The following C6 variants were observed in gnomAD, a reference collection of about 807,000 sequenced individuals.
The protein encoded by C6 is complement component C6.
A neutral mutation model predicts 112.9 loss-of-function variants in C6; 101 were observed. The observed-to-expected ratio is 0.89, with a 90% CI of 0.76 to 1.06. C6 has a LOEUF of 1.06. Ranked by LOEUF, C6 falls within the 50% of genes least tolerant of loss-of-function variation. The pLI, the probability that C6 is intolerant of heterozygous loss-of-function variation, is 0.00. For missense variants in C6, 1,202 were observed against 1,104.6 expected (o/e 1.09, Z -1.25); for synonymous variants, 431 against 384.1 (o/e 1.12, Z -1.43).
In C6 at chr5:41,213,375, C is replaced by T. The variant is rs1267296414; in HGVS notation, c.-21+1G>A. ...GAAAATGAAATCATCATATTACTCACCTTTAAGCAGAGTTTGTGGTGTCCT... is the reference window on the plus strand; with the variant it reads ...GAAAATGAAATCATCATATTACTCATCTTTAAGCAGAGTTTGTGGTGTCCT... On this transcript the variant is annotated splice_donor_variant, in intron 1 of 17. Coordinates refer to ENST00000337836, the MANE Select transcript of C6 (RefSeq NM_000065.5). LOFTEE classifies it low-confidence loss of function (5UTR_SPLICE). 2 of 980,386 alleles carry T rather than the reference C, an allele frequency of 2.0e-6. No individual in the cohort carries two copies. The highest frequency in any genetic ancestry group is 3.5e-5 in the African/African-American group (2 of 57,096). 60.7% of individuals were successfully genotyped at this position (980,386 alleles called of 1,614,324 possible).
At chr5:41,154,291 T>A (rs1746691445) in intron 14 of C6, among the ~76,000 whole-genome samples, 1 of 152,218 alleles carries the variant, frequency 6.6e-6, no homozygotes, top group Non-Finnish European at 1.5e-5. Context: ...CAAGAAACAC[T>A]TTCTTTTCTC....
At chr5:41,212,058 A>G (rs1459149240) in intron 1 of C6, among the ~76,000 whole-genome samples, 1 of 152,068 alleles carries the variant, frequency 6.6e-6, no homozygotes, top group Non-Finnish European at 1.5e-5. Context: ...TAACATTAAA[A>G]CTTATTTGAT....
At chr5:41,178,175 T>C (rs1749009766) in intron 7 of C6, among the ~76,000 whole-genome samples, 1 of 152,198 alleles carries the variant, frequency 6.6e-6, no homozygotes, top group South Asian at 2.1e-4. Flanking sequence ...CCACATATAA[T>C]CTATTTCAAC....
At position 41,201,686 on chromosome 5, in the gene C6, C is replaced by G. The variant is rs769744623; in HGVS notation, c.172G>C (p.Glu58Gln). ...RQIVVDKYYQ[E>Q]NFCEQICSKQ... ...CTGCAAATCTGTTCACAAAAGTTTT[C>G]CTGGTAGTACTTATCTACTACTATT... The change falls in exon 3 of 18, where the codon GAA becomes CAA. Residue 58 changes from glutamate to glutamine, a missense_variant. Glu to Gln is a conservative substitution (Grantham distance 29). Coordinates refer to ENST00000337836, the MANE Select transcript of C6 (RefSeq NM_000065.5). 1.2e-6 allele frequency: 2 copies of G among 1,613,502 alleles called. No homozygotes were observed. Among genetic ancestry groups the G allele is most frequent in the Non-Finnish European group, 1.7e-6 (2 of 1,179,854 alleles).
At chr5:41,177,260 T>C (rs1192660985) in intron 7 of C6, among the ~76,000 whole-genome samples, 1 of 152,162 alleles carries the variant, frequency 6.6e-6, no homozygotes, top group African/African-American at 2.4e-5. Context: ...AACTCCAAAA[T>C]GCTGATTCTA....
At chr5:41,218,993 C>G (rs571807579) in intron 1 of C6, among the ~76,000 whole-genome samples, 204 of 152,222 alleles carry the variant, frequency 1.3e-3, no homozygotes, top group Non-Finnish European at 2.4e-3. Flanking sequence ...AGGAAGTTAT[C>G]CTAACTAGGA....
intron 1 of C6, among the ~76,000 whole-genome samples, chr5:41,228,623 A>G (rs1247537063): frequency 1.3e-5 from 2 of 152,158 alleles, no homozygotes; most frequent in East Asian, 1.9e-4. Context: ...GTTGAGGTAC[A>G]TTCTTTATAT....
chr5:41,253,762 A>G (rs1027095559), intron 1 of C6, among the ~76,000 whole-genome samples: 1 of 152,252 alleles, frequency 6.6e-6, no homozygotes, highest in African/African-American at 2.4e-5. Flanking sequence ...CATCAACAAT[A>G]AAGAAAGTGT....
chr5:41,203,076 G>T lies in C6; in HGVS notation c.143+12C>A. On this transcript the variant is annotated intron_variant, in intron 2 of 17. Transcript: ENST00000337836. ...CCAGGACACAAAGAAAAGCCACAAA[G>T]CTCACACCCACCTGTGTCTGCTCTG... The T allele has an allele frequency of 6.2e-7, 1 of 1,613,664 alleles. No homozygotes were observed. The highest frequency in any genetic ancestry group is 1.1e-5 in the South Asian group (1 of 91,062).
At chr5:41,217,618 AT>A (rs1418639230), upstream of C6, among the ~76,000 whole-genome samples, 3 of 152,162 alleles carry the variant, frequency 2.0e-5, no homozygotes, top group Non-Finnish European at 4.4e-5. Context: ...ATGATATTAA[AT>A]GGAATAAACT....
intron 1 of C6, among the ~76,000 whole-genome samples, chr5:41,207,324 G>A (rs1177057762): frequency 6.6e-6 from 1 of 152,132 alleles, no homozygotes; most frequent in Non-Finnish European, 1.5e-5. Context: ...ATTAACTAAT[G>A]GGAAAAATAA....
chr5:41,250,249 C>G (rs1741265900), intron 1 of C6, among the ~76,000 whole-genome samples: 1 of 152,128 alleles, frequency 6.6e-6, no homozygotes, highest in South Asian at 2.1e-4. Flanking sequence ...GTTATGTTAC[C>G]CAATAGTGGC....
chr5:41,240,917 C>A (rs535970042), intron 1 of C6, among the ~76,000 whole-genome samples: 1 of 152,128 alleles, frequency 6.6e-6, no homozygotes, highest in Non-Finnish European at 1.5e-5. Flanking sequence ...CTCCAAATTG[C>A]GTGCTCGGAT....
intron 8 of C6, among the ~76,000 whole-genome samples, chr5:41,175,332 T>C (rs1436358982): frequency 6.6e-6 from 1 of 152,226 alleles, no homozygotes; most frequent in Non-Finnish European, 1.5e-5. Context: ...GGACACACTG[T>C]CAATACATGC....
At chr5:41,228,154 A>G (rs1033323646) in intron 1 of C6, among the ~76,000 whole-genome samples, 2 of 152,048 alleles carry the variant, frequency 1.3e-5, no homozygotes, top group East Asian at 3.9e-4. Context: ...CAGCATTAAT[A>G]TATAGTTTTC....
intron 9 of C6, among the ~76,000 whole-genome samples, chr5:41,162,354 T>C (rs764885273): frequency 1.3e-5 from 2 of 152,172 alleles, no homozygotes; most frequent in African/African-American, 2.4e-5. Flanking sequence ...AGCCAGTCAA[T>C]TGACTGTCAT....
intron 1 of C6, among the ~76,000 whole-genome samples, chr5:41,254,873 C>T (rs1239988499): frequency 6.6e-6 from 1 of 152,096 alleles, no homozygotes; most frequent in East Asian, 1.9e-4. Context: ...TCAGTGAAAG[C>T]GTTTTAGTCT....
At position 41,189,288 on chromosome 5, in the gene C6, G is replaced by A. The variant is rs555258840; in HGVS notation, c.588-3080C>T. On this transcript the variant is annotated intron_variant, in intron 5 of 17. Coordinates refer to ENST00000337836, the MANE Select transcript of C6 (RefSeq NM_000065.5). ...TCCATTCCTAAGTATATATGAAAGA[G>A]AATTGAAAATATATATCAATGCAAA... Among the ~76,000 whole-genome samples, 25 of 152,084 alleles carry A rather than the reference G, an allele frequency of 1.6e-4. No homozygotes were observed. In the South Asian group the frequency reaches 5.2e-3, roughly 32 times the overall value.
chr5:41,227,734 C>T (rs1243212288), intron 1 of C6, among the ~76,000 whole-genome samples: 2 of 150,750 alleles, frequency 1.3e-5, no homozygotes, highest in Non-Finnish European at 2.9e-5. Context: ...GACTGTCCTT[C>T]CCCATTGTGT....
Sources: gnomAD v4.1 joint callset for allele counts (sites outside exome capture counted in the v4.1 genomes callset) on GRCh38, gnomAD v4.1.1 for gene constraint, MANE v1.5 for transcripts, NCBI Gene and HGNC (gene_info 2026-07-23, HGNC 2026-07-21) for gene names.